SEC13: variants seen among roughly 807,000 people sequenced by gnomAD.
SEC13 encodes the protein protein SEC13 homolog.
A neutral mutation model predicts 49.2 loss-of-function variants in SEC13; 25 were observed. The observed-to-expected ratio is 0.51, with a 90% CI of 0.37 to 0.71. The LOEUF (loss-of-function observed/expected upper bound fraction) is 0.71. Ranked by LOEUF, SEC13 falls within the 30% of genes least tolerant of loss-of-function variation. SEC13 has a pLI of 0.00. For synonymous variants in SEC13, 148 were observed against 163.9 expected (o/e 0.90, Z 0.74); for missense variants, 383 against 417.6 (o/e 0.92, Z 0.72).
intron 5 of SEC13, among the ~76,000 whole-genome samples, chr3:10,308,222 C>T (rs1393314063): frequency 6.6e-6 from 1 of 152,158 alleles, no homozygotes; most frequent in Non-Finnish European, 1.5e-5. Context: ...CTCGGATCCC[C>T]TGGTAATCCA....
Position 10,305,158 on chromosome 3 carries a change from T to C in SEC13, c.585-2A>G. ...TTCCACTGGCCGTCCTCCTCCTCCC[T>C]AACAGTGGGGACAGAAAGAGAATCA... On this transcript the variant is annotated splice_acceptor_variant, in intron 6 of 8. Transcript: ENST00000350697. LOFTEE classifies it high-confidence loss of function. 6.2e-7 allele frequency: 1 copy of C among 1,608,820 alleles called. No individual in the cohort carries two copies. Among genetic ancestry groups the C allele is most frequent in the Non-Finnish European group, 8.5e-7 (1 of 1,177,180 alleles).
intron 6 of SEC13, 68 bp downstream of exon 6, chr3:10,305,491 G>C: frequency 1.3e-6 from 2 of 1,556,034 alleles, no homozygotes; most frequent in Non-Finnish European, 8.8e-7. Context: ...GAGTGTGGCT[G>C]AGTCATGGTG....
Position 10,305,543 on chromosome 3 carries a change from A to G in SEC13, c.584+16T>C, listed in dbSNP as rs746888902. On this transcript the variant is annotated intron_variant, in intron 6 of 8. Coordinates refer to ENST00000350697, the MANE Select transcript of SEC13 (RefSeq NM_183352.3). Reference sequence around the variant, plus strand: ...GAAGTGTCCCCTCAAAGAGAAGGCCACACATCCCTACTTACTTCCACAGCT... The same window carrying G: ...GAAGTGTCCCCTCAAAGAGAAGGCCGCACATCCCTACTTACTTCCACAGCT... 1.9e-6 allele frequency: 3 copies of G among 1,612,738 alleles called. No homozygotes were observed. Among genetic ancestry groups the G allele is most frequent in the Non-Finnish European group, 2.5e-6 (3 of 1,179,674 alleles).
At chr3:10,309,567 C>G (rs989175383) in intron 5 of SEC13, among the ~76,000 whole-genome samples, 4 of 152,088 alleles carry the variant, frequency 2.6e-5, no homozygotes, top group Non-Finnish European at 5.9e-5. Flanking sequence ...AGTTCTGTCA[C>G]CTTATTTCTG....
At chr3:10,313,562 G>A (rs768134386) in intron 3 of SEC13, 6 of 364,968 alleles carry the variant, frequency 1.6e-5, no homozygotes, top group African/African-American at 6.2e-5. Flanking sequence ...CTCCTTCACC[G>A]TGGGCTGCAC....
Position 10,304,139 on chromosome 3 carries a change from C to A in SEC13, c.742G>T (p.Ala248Ser). 1 of 1,614,150 alleles carries A rather than the reference C, an allele frequency of 6.2e-7. No individual in the cohort carries two copies. The highest frequency in any genetic ancestry group is 8.5e-7 in the Non-Finnish European group (1 of 1,180,010). The change falls in exon 8 of 9, where the codon GCC becomes TCC. Residue 248 changes from alanine to serine, a missense_variant. Coordinates refer to ENST00000350697, the MANE Select transcript of SEC13 (RefSeq NM_183352.3). ...GRVFIWTCDD[A>S]SSNTWSPKLL... ...TTAGGGGACCACGTATTGCTTGAGG[C>A]ATCATCACAGGTCCAAATGAACACA...
chr3:10,314,588 C>A (rs922132648), intron 3 of SEC13, among the ~76,000 whole-genome samples: 5 of 152,160 alleles, frequency 3.3e-5, no homozygotes, highest in African/African-American at 1.2e-4. Context: ...TGTCCCAATT[C>A]ATCAACCCCT....
chr3:10,319,795 AAGGCGGGGGGGGGGGGGGGG>A (rs1559503191), intron 1 of SEC13, among the ~76,000 whole-genome samples: 22 of 2,346 alleles, frequency 9.4e-3, no homozygotes, highest in East Asian at 0.017. Context: ...AGAGAGAGAG[AAGGCGGGGGGGGGGGGGGGG>A]GAGGAAAGAG....
chr3:10,301,302 C>A lies in SEC13; in HGVS notation c.928G>T (p.Val310Leu). The A allele has an allele frequency of 6.2e-7, 1 of 1,614,146 alleles. No individual in the cohort carries two copies. The highest frequency in any genetic ancestry group is 2.2e-5 in the East Asian group (1 of 44,866). ...ISDVNKGQGS[V>L]SASVTEGQQN... ...TGGCCCTCTGTCACTGATGCTGATA[C>A]GGAGCCCTGGCCCTTGTTGACATCA... The change falls in exon 9 of 9, where the codon GTA becomes TTA. Residue 310 changes from valine to leucine, a missense_variant. Physicochemically the swap from Val to Leu is conservative, Grantham distance 32 (BLOSUM62 1). Transcript: ENST00000350697.
At chr3:10,303,526 T>C (rs954724633) in intron 8 of SEC13, 1 of 204,350 alleles carries the variant, frequency 4.9e-6, no homozygotes, top group Non-Finnish European at 1.0e-5. Context: ...CCAGAACTCT[T>C]TCAGCTGCAA....
At position 10,308,162 on chromosome 3, in the gene SEC13, A is replaced by C. The variant is rs146109330; in HGVS notation, c.451-2470T>G. Reference sequence around the variant, plus strand: ...CAAAAATATATCCTGTAGGATCATCACATCACCTCAATCAAGATAAGGAAC... The same window carrying C: ...CAAAAATATATCCTGTAGGATCATCCCATCACCTCAATCAAGATAAGGAAC... On this transcript the variant is annotated intron_variant, in intron 5 of 8. Coordinates refer to ENST00000350697, the MANE Select transcript of SEC13 (RefSeq NM_183352.3). 9.2e-5 allele frequency among the ~76,000 whole-genome samples: 14 copies of C among 152,314 alleles called. No individual in the cohort carries two copies. The East Asian group carries it at 2.5e-3, about 27-fold the overall frequency.
At chr3:10,319,361 G>C (rs1043941962) in intron 1 of SEC13, 1 of 1,451,954 alleles carries the variant, frequency 6.9e-7, no homozygotes, top group Admixed American at 2.6e-5. Context: ...TCCATGTGCC[G>C]AGCTGTATAG....
At chr3:10,305,265 C>T in intron 6 of SEC13, 109 bp from the exon 7 acceptor site, 1 of 1,437,002 alleles carries the variant, frequency 7.0e-7, no homozygotes, top group Non-Finnish European at 9.2e-7. Context: ...CATCTTTCTT[C>T]TTTCATTCAT....
Position 10,301,397 on chromosome 3 carries a change from A to T in SEC13, c.856-23T>A, listed in dbSNP as rs745652107. ...CACCTGCGAGTCAGTGCACAAGCAG[A>T]TTATCACGGGTCTGTGCCCTTCCCT... On this transcript the variant is annotated intron_variant, in intron 8 of 8. Transcript: ENST00000350697. 5.0e-6 allele frequency: 8 copies of T among 1,613,944 alleles called. No homozygotes were observed. The Admixed American group carries it at 1.3e-4, about 27-fold the overall frequency.
chr3:10,312,753 G>C, intron 3 of SEC13, 23 bp from the exon 4 acceptor site: 1 of 1,613,810 alleles, frequency 6.2e-7, no homozygotes, highest in Non-Finnish European at 8.5e-7. Flanking sequence ...AGATAGGCCA[G>C]AGGAACCCAC....
intron 5 of SEC13, among the ~76,000 whole-genome samples, chr3:10,310,924 A>G (rs777267075): frequency 2.4e-4 from 36 of 151,604 alleles, no homozygotes; most frequent in Non-Finnish European, 4.6e-4. Flanking sequence ...ATGAAACTTG[A>G]ACTCATTATA....
intron 1 of SEC13, among the ~76,000 whole-genome samples, chr3:10,319,939 GGAGA>G (rs1187384889): frequency 1.0e-5 from 1 of 97,556 alleles, no homozygotes; most frequent in African/African-American, 4.0e-5. Flanking sequence ...AGAGGGAGGG[GGAGA>G]GAGAGAAAGG....
chr3:10,301,494 A>G, intron 8 of SEC13, 120 bp from the exon 9 acceptor site: 3 of 1,274,190 alleles, frequency 2.4e-6, no homozygotes, highest in Non-Finnish European at 3.3e-6. Flanking sequence ...TGAACAGAGC[A>G]TGTCCCTCCT....
At chr3:10,305,250 G>A (rs1700799196) in intron 6 of SEC13, 94 bp from the exon 7 acceptor site, 3 of 1,469,646 alleles carry the variant, frequency 2.0e-6, no homozygotes, top group South Asian at 1.4e-5. Flanking sequence ...GTGGAGAAGC[G>A]ATTCCATCTT....
Sources: gnomAD v4.1 joint callset for allele counts (sites outside exome capture counted in the v4.1 genomes callset) on GRCh38, gnomAD v4.1.1 for gene constraint, MANE v1.5 for transcripts, NCBI Gene and HGNC (gene_info 2026-07-23, HGNC 2026-07-21) for gene names.